Variants in RABGAP1L observed in about 807,000 individuals in gnomAD.
RABGAP1L encodes rab GTPase-activating protein 1-like.
A neutral mutation model predicts 137.7 loss-of-function variants in RABGAP1L; 63 were observed. That is an observed-to-expected ratio of 0.46 (90% confidence interval 0.37 to 0.56). RABGAP1L has a LOEUF of 0.56. RABGAP1L is among the 20% of genes least tolerant of loss of function. The pLI is 0.00. For missense variants in RABGAP1L, 1,095 were observed against 1,244.0 expected (o/e 0.88, Z 1.80); for synonymous variants, 431 against 433.7 (o/e 0.99, Z 0.08).
chr1:174,863,534 A>G (rs960133524), intron 19 of RABGAP1L, among the ~76,000 whole-genome samples: 4 of 151,622 alleles, frequency 2.6e-5, no homozygotes, highest in East Asian at 2.0e-4. Context: ...TTAGCCGGGC[A>G]TGGTGGCGGA....
At position 174,448,730 on chromosome 1, in the gene RABGAP1L, A is replaced by C; in HGVS notation, c.1710+54585A>C. 6.2e-7 allele frequency: 1 copy of C among 1,613,680 alleles called. No individual in the cohort carries two copies. Among genetic ancestry groups the C allele is most frequent in the Non-Finnish European group, 8.5e-7 (1 of 1,179,824 alleles). On this transcript the variant is annotated intron_variant, in intron 13 of 25. Coordinates refer to ENST00000681986, the MANE Select transcript of RABGAP1L (RefSeq NM_001366446.1). The surrounding 1 kb of genome is among the most constrained non-coding windows in gnomAD (Gnocchi z 4.2). ...CACCAGTGCCTATTTTACTGGCTTTATTGTTTGTTTACTTTATGCTCCTGC... is the reference window on the plus strand; with the variant it reads ...CACCAGTGCCTATTTTACTGGCTTTCTTGTTTGTTTACTTTATGCTCCTGC...
chr1:174,628,697 T>C (rs1311272770), intron 13 of RABGAP1L, among the ~76,000 whole-genome samples: 5 of 152,190 alleles, frequency 3.3e-5, no homozygotes, highest in South Asian at 2.1e-4. Flanking sequence ...TAATATCGTA[T>C]TGGACTCTGA....
intron 17 of RABGAP1L, among the ~76,000 whole-genome samples, chr1:174,741,091 C>T (rs1253528412): frequency 6.7e-6 from 1 of 149,624 alleles, no homozygotes; most frequent in East Asian, 1.9e-4. Context: ...AATTAATTCC[C>T]AATCACTTAT....
intron 23 of RABGAP1L, 82 bp from the exon 24 acceptor site, chr1:174,982,752 C>A: frequency 7.5e-7 from 1 of 1,333,786 alleles, no homozygotes; most frequent in Non-Finnish European, 1.0e-6. Flanking sequence ...GCTAGCATAA[C>A]ACATGAATTG....
chr1:174,730,877 A>G lies in RABGAP1L; in HGVS notation c.2170-21436A>G, dbSNP rs532381737. Among the ~76,000 whole-genome samples, 11 of 152,346 alleles carry G rather than the reference A, an allele frequency of 7.2e-5. No homozygotes were observed. The East Asian group carries it at 2.1e-3, about 29-fold the overall frequency. On this transcript the variant is annotated intron_variant, in intron 17 of 25. Transcript: ENST00000681986. ...AATTGTGGCCTAGAAAAAAAACTTA[A>G]TGAGTAGAAAGTTTTTTCCAAATGA...
At chr1:174,400,206 T>C (rs1648399807) in intron 13 of RABGAP1L, among the ~76,000 whole-genome samples, 1 of 152,196 alleles carries the variant, frequency 6.6e-6, no homozygotes, top group African/African-American at 2.4e-5. Context: ...CGTATTACTC[T>C]ATTACTTACT....
intron 13 of RABGAP1L, among the ~76,000 whole-genome samples, chr1:174,549,731 C>A (rs1666286356): frequency 6.6e-6 from 1 of 152,124 alleles, no homozygotes; most frequent in South Asian, 2.1e-4. Flanking sequence ...GAAGAATTAA[C>A]ATTACCATTA....
At chr1:174,477,011 G>A (rs951991125) in intron 13 of RABGAP1L, among the ~76,000 whole-genome samples, 1 of 152,144 alleles carries the variant, frequency 6.6e-6, no homozygotes, top group Non-Finnish European at 1.5e-5. Flanking sequence ...GAAACATAGG[G>A]TTTGTGGCAG....
At chr1:174,925,332 A>G (rs1662557654) in intron 19 of RABGAP1L, among the ~76,000 whole-genome samples, 1 of 133,846 alleles carries the variant, frequency 7.5e-6, no homozygotes, top group Non-Finnish European at 1.6e-5. Context: ...TGGGAGACAG[A>G]GCGAGACTCG....
intron 18 of RABGAP1L, among the ~76,000 whole-genome samples, chr1:174,789,482 A>T (rs1385511112): frequency 6.6e-6 from 1 of 152,132 alleles, no homozygotes; most frequent in African/African-American, 2.4e-5. Flanking sequence ...TTTACTTATG[A>T]AATTGATATA....
chr1:174,716,184 T>C (rs1409269455), intron 17 of RABGAP1L, among the ~76,000 whole-genome samples: 1 of 152,248 alleles, frequency 6.6e-6, no homozygotes, highest in African/African-American at 2.4e-5. Flanking sequence ...TTTCCATCTG[T>C]TGTTTGAATC....
chr1:174,331,437 CA>C (rs1681020164), intron 11 of RABGAP1L, among the ~76,000 whole-genome samples: 2 of 152,198 alleles, frequency 1.3e-5, no homozygotes, highest in East Asian at 1.9e-4. Flanking sequence ...CATTCAATAG[CA>C]AAAAACCCCA....
intron 19 of RABGAP1L, among the ~76,000 whole-genome samples, chr1:174,852,131 G>T (rs1233524585): frequency 6.6e-6 from 1 of 152,040 alleles, no homozygotes; most frequent in South Asian, 2.1e-4. Context: ...TTATTTAATT[G>T]ATAGTACTTT....
At chr1:174,362,124 T>A (rs1684198729) in intron 11 of RABGAP1L, among the ~76,000 whole-genome samples, 1 of 152,260 alleles carries the variant, frequency 6.6e-6, no homozygotes, top group African/African-American at 2.4e-5. Flanking sequence ...TCATTTTTTT[T>A]ATGGCTACAT....
chr1:174,241,457 T>C, intron 4 of RABGAP1L, 26 bp from the exon 5 acceptor site: 1 of 1,418,850 alleles, frequency 7.0e-7, no homozygotes, highest in Non-Finnish European at 9.4e-7. Context: ...TAATATTTTA[T>C]CTAACTTTTC....
At chr1:174,544,012 C>G (rs900383636) in intron 13 of RABGAP1L, among the ~76,000 whole-genome samples, 4 of 152,216 alleles carry the variant, frequency 2.6e-5, no homozygotes, top group Admixed American at 6.5e-5. Context: ...ACCTTTCTCT[C>G]TGGCTGCCCT....
chr1:174,678,443 T>C (rs1677801140), intron 14 of RABGAP1L, among the ~76,000 whole-genome samples: 1 of 151,870 alleles, frequency 6.6e-6, no homozygotes, highest in Non-Finnish European at 1.5e-5. Flanking sequence ...TCATAAAATA[T>C]TCTCAAAAAA....
chr1:174,355,291 T>G (rs1256763180), intron 11 of RABGAP1L, among the ~76,000 whole-genome samples: 1 of 151,770 alleles, frequency 6.6e-6, no homozygotes, highest in Non-Finnish European at 1.5e-5. Context: ...CCATAAAAAA[T>G]GATGAGTTCA....
chr1:174,415,209 A>AT (rs1650409200), intron 13 of RABGAP1L, among the ~76,000 whole-genome samples: 1 of 152,108 alleles, frequency 6.6e-6, no homozygotes, highest in African/African-American at 2.4e-5. Flanking sequence ...TAACTATACC[A>AT]TTTTATTAGG....
Sources: gnomAD v4.1 joint callset for allele counts (sites outside exome capture counted in the v4.1 genomes callset) on GRCh38, gnomAD v4.1.1 for gene constraint, Gnocchi (gnomAD v3.1) non-coding constraint, MANE v1.5 for transcripts, NCBI Gene and HGNC (gene_info 2026-07-23, HGNC 2026-07-21) for gene names.